The following HSPG2 variants were observed in gnomAD, a reference collection of about 807,000 sequenced individuals.
HSPG2 encodes the protein basement membrane-specific heparan sulfate proteoglycan core protein.
In HSPG2, 278 loss-of-function variants were observed where a neutral mutation model predicts 526.6. That is an observed-to-expected ratio of 0.53 (90% CI 0.48 to 0.58). The LOEUF (loss-of-function observed/expected upper bound fraction) is 0.58. HSPG2 is among the 20% of genes least tolerant of loss of function. The probability of loss-of-function intolerance (pLI) is 0.00; values close to 1 mark genes in which losing one functional copy is unlikely to be tolerated. For synonymous variants in HSPG2, 2,465 were observed against 2,555.4 expected (o/e 0.96, Z 1.07); for missense variants, 5,354 against 6,099.5 (o/e 0.88, Z 4.07).
Position 21,822,690 on chromosome 1 carries a change from G to C in HSPG2, c.*626C>G, listed in dbSNP as rs1049644. On this transcript the variant is annotated 3_prime_UTR_variant, in exon 97 of 97. Coordinates refer to ENST00000374695, the MANE Select transcript of HSPG2 (RefSeq NM_005529.7). ...ACCCCAGGCTGTGTGCTGGCAGGAG[G>C]GGGTGGGAATGCAGGCCAGGAGGAC... 48,863 of 166,772 alleles carry C rather than the reference G, an allele frequency of 0.29. 7,848 individuals are homozygous for C. Among genetic ancestry groups the C allele is most frequent in the African/African-American group, 0.41 (16,947 of 41,654 alleles). The allele number at this position is 166,772 out of a possible 1,614,324, so 10.3% of individuals were successfully genotyped here.
rs781314564 is a variant in HSPG2 at position 21,841,092 on chromosome 1, C to T, written c.9513+9G>A. ...GGCCTCAGACCCAGAGAGGCAGCCC[C>T]GGCTTCACCTGCAGCACCGCGTGGC... On this transcript the variant is annotated intron_variant, in intron 71 of 96. Coordinates refer to ENST00000374695, the MANE Select transcript of HSPG2 (RefSeq NM_005529.7). 1.0e-5 allele frequency: 16 copies of T among 1,590,182 alleles called. No individual in the cohort carries two copies. Among genetic ancestry groups the T allele is most frequent in the Admixed American group, 7.2e-5 (4 of 55,884 alleles).
At chr1:21,863,048 G>A (rs529866541) in intron 37 of HSPG2, among the ~76,000 whole-genome samples, 84 of 52,230 alleles carry the variant, frequency 1.6e-3, no homozygotes, top group African/African-American at 7.1e-3. Flanking sequence ...TGACAAAAGC[G>A]AGACTCCATC....
intron 55 of HSPG2, 33 bp from the exon 56 acceptor site, chr1:21,850,531 C>T (rs778733964): frequency 5.1e-6 from 8 of 1,573,986 alleles, no homozygotes; most frequent in Non-Finnish European, 6.9e-6. Context: ...AGAGGGAGCC[C>T]TCAGGAGACC....
chr1:21,917,437 G>GTAAGTAAA (rs1252977386), intron 1 of HSPG2, among the ~76,000 whole-genome samples: 4 of 141,228 alleles, frequency 2.8e-5, no homozygotes, highest in Non-Finnish European at 6.1e-5. Flanking sequence ...TGTCTCAAAA[G>GTAAGTAAA]TAAATAAATA....
chr1:21,899,104 G>T (rs186269878), intron 1 of HSPG2, among the ~76,000 whole-genome samples: 1 of 152,294 alleles, frequency 6.6e-6, no homozygotes, highest in Non-Finnish European at 1.5e-5. Context: ...CCAGAGCACG[G>T]GTCCCTCCAT....
At chr1:21,880,953 G>A in intron 14 of HSPG2, 118 bp from the exon 15 acceptor site, 1 of 1,085,100 alleles carries the variant, frequency 9.2e-7, no homozygotes, top group Non-Finnish European at 1.4e-6. Flanking sequence ...GACTTACTGT[G>A]TGCCAGGCAC....
intron 37 of HSPG2, among the ~76,000 whole-genome samples, chr1:21,862,508 C>T (rs1215062440): frequency 6.7e-6 from 1 of 149,114 alleles, no homozygotes; most frequent in Non-Finnish European, 1.5e-5. Context: ...TGCTTGAATC[C>T]AGGAGGTGGA....
chr1:21,879,048 G>A lies in HSPG2; in HGVS notation c.2417C>T (p.Ala806Val), dbSNP rs780621773. ...GCAGGGCCGGCAGGAAGTGGCCGTGGCCTTCATGGCGTCCCCAAAGAAGCC... is the reference window on the plus strand; with the variant it reads ...GCAGGGCCGGCAGGAAGTGGCCGTGACCTTCATGGCGTCCCCAAAGAAGCC... The part of the protein sequence containing the change: ...KAGFFGDAMK[A>V]TATSCRPCPC... The change falls in exon 18 of 97, where the codon GCC (alanine) becomes GTC (valine). Residue 806 changes from alanine to valine, a missense_variant. Transcript: ENST00000374695. 3 of 1,614,226 alleles carry A rather than the reference G, an allele frequency of 1.9e-6. No individual in the cohort carries two copies. Among genetic ancestry groups the A allele is most frequent in the Non-Finnish European group, 2.5e-6 (3 of 1,180,040 alleles).
At chr1:21,869,657 C>T (rs576848406) in intron 33 of HSPG2, 43 of 986,004 alleles carry the variant, frequency 4.4e-5, no homozygotes, top group South Asian at 4.7e-5. Flanking sequence ...CTCTGAGCCT[C>T]GTCCACCTGG....
intron 1 of HSPG2, among the ~76,000 whole-genome samples, chr1:21,900,864 G>T (rs1458939585): frequency 1.5e-4 from 23 of 151,874 alleles, no homozygotes; most frequent in Non-Finnish European, 5.9e-5. Flanking sequence ...CAGCCTGGGC[G>T]ACAGAGCAAG....
At chr1:21,853,129 G>A (rs929536192) in intron 50 of HSPG2, 59 bp from the exon 51 acceptor site, 8 of 1,606,710 alleles carry the variant, frequency 5.0e-6, no homozygotes, top group Middle Eastern at 1.6e-4. Flanking sequence ...TGTAGCCCTG[G>A]GGCAGAAGGC....
At position 21,872,840 on chromosome 1, in the gene HSPG2, T is replaced by C. The variant is rs1483870720; in HGVS notation, c.3889-80A>G. 4.5e-6 allele frequency: 7 copies of C among 1,571,280 alleles called. No homozygotes were observed. The highest frequency in any genetic ancestry group is 1.3e-5 in the African/African-American group (1 of 74,288). ...CCCAGCAGCCTGAGGCCAGCCTCCCTGGCCACTTCCAGCAGCCCCGGGCAG... is the reference window on the plus strand; with the variant it reads ...CCCAGCAGCCTGAGGCCAGCCTCCCCGGCCACTTCCAGCAGCCCCGGGCAG... On this transcript the variant is annotated intron_variant, in intron 31 of 96. Transcript: ENST00000374695. The surrounding 1 kb of genome is among the most constrained non-coding windows in gnomAD (Gnocchi z 5.5).
At chr1:21,884,421 C>T in intron 13 of HSPG2, 107 bp downstream of exon 13, 1 of 1,450,574 alleles carries the variant, frequency 6.9e-7, no homozygotes, top group South Asian at 1.1e-5. Context: ...GACTCACATT[C>T]CTTCCCGAAA....
intron 21 of HSPG2, among the ~76,000 whole-genome samples, chr1:21,877,013 C>T (rs1376512107): frequency 1.1e-4 from 17 of 148,754 alleles, no homozygotes; most frequent in African/African-American, 2.7e-4. Flanking sequence ...GAGCCGAGAT[C>T]GCGCCACTGC....
chr1:21,929,029 G>T (rs139561469), intron 1 of HSPG2, among the ~76,000 whole-genome samples: 3,629 of 152,248 alleles, frequency 0.024, 63 homozygotes, highest in African/African-American at 0.049. Flanking sequence ...CAAAGTGCTG[G>T]GATTACAGGT....
intron 74 of HSPG2, among the ~76,000 whole-genome samples, chr1:21,837,744 T>A (rs1375963856): frequency 1.3e-5 from 2 of 152,198 alleles, no homozygotes; most frequent in Non-Finnish European, 2.9e-5. Context: ...ACTAAGTGCC[T>A]ACTGCGAGCC....
chr1:21,851,399 T>A (rs1572224186), intron 55 of HSPG2, 147 bp downstream of exon 55: 2 of 1,176,424 alleles, frequency 1.7e-6, no homozygotes, highest in Non-Finnish European at 1.2e-6. Context: ...AGTCCTAGAT[T>A]CTGGTTTCTA....
chr1:21,879,291 C>T (rs1429449158), intron 17 of HSPG2, among the ~76,000 whole-genome samples, 170 bp from the exon 18 acceptor site: 3 of 152,134 alleles, frequency 2.0e-5, no homozygotes, highest in African/African-American at 7.2e-5. Flanking sequence ...AGCTCATCAT[C>T]TTACACGGCA....
At chr1:21,891,636 G>C (rs1642371060) in intron 3 of HSPG2, among the ~76,000 whole-genome samples, 1 of 151,940 alleles carries the variant, frequency 6.6e-6, no homozygotes, top group Admixed American at 6.6e-5. Context: ...TTTTAGGCAG[G>C]GTCTTGCTCT....
Sources: allele counts gnomAD v4.1 joint callset (sites outside exome capture counted in the v4.1 genomes callset), GRCh38; gene constraint gnomAD v4.1.1; non-coding constraint Gnocchi (gnomAD v3.1); transcripts MANE v1.5; gene names NCBI Gene and HGNC (gene_info 2026-07-23, HGNC 2026-07-21).